The following CCDC18 variants were observed in gnomAD, a reference collection of about 807,000 sequenced individuals.
CCDC18 encodes the protein coiled-coil domain containing 18, also known as coiled-coil domain-containing protein 18.
Under a neutral mutation model 196.0 loss-of-function variants are expected in CCDC18, and 157 were observed. The ratio of observed to expected loss-of-function variants is 0.80; its 90% confidence interval spans 0.70 to 0.91. CCDC18 has a LOEUF of 0.91. Ranked by LOEUF, CCDC18 falls within the 40% of genes least tolerant of loss-of-function variation. The pLI is 0.00. For missense variants in CCDC18, 1,465 were observed against 1,611.6 expected (o/e 0.91, Z 1.56); for synonymous variants, 482 against 529.2 (o/e 0.91, Z 1.22).
intron 27 of CCDC18, among the ~76,000 whole-genome samples, chr1:93,268,594 C>CAAT (rs1664849784): frequency 3.5e-5 from 4 of 115,108 alleles, no homozygotes; most frequent in African/African-American, 1.8e-4. Context: ...AAAAAAACAA[C>CAAT]CCCATCAAAA....
At chr1:93,198,596 T>C (rs1474671123) in intron 6 of CCDC18, among the ~76,000 whole-genome samples, 1 of 152,148 alleles carries the variant, frequency 6.6e-6, no homozygotes, top group Non-Finnish European at 1.5e-5. Flanking sequence ...AATAAAAAAT[T>C]AAAATCAAAT....
At chr1:93,230,548 G>A (rs934379010) in intron 17 of CCDC18, among the ~76,000 whole-genome samples, 1 of 151,860 alleles carries the variant, frequency 6.6e-6, no homozygotes, top group African/African-American at 2.4e-5. Flanking sequence ...ACAATGAAAT[G>A]TCAGTGTAAG....
intron 28 of CCDC18, chr1:93,271,085 A>G: frequency 4.1e-6 from 4 of 983,752 alleles, no homozygotes; most frequent in Non-Finnish European, 4.8e-6. Context: ...CTTAAAAATA[A>G]AAAAATTAAA....
intron 24 of CCDC18, among the ~76,000 whole-genome samples, chr1:93,254,875 A>G (rs576645053): frequency 2.0e-5 from 3 of 150,520 alleles, no homozygotes; most frequent in Admixed American, 6.6e-5. Context: ...TAAATCTACA[A>G]TATATGCTTA....
intron 8 of CCDC18, among the ~76,000 whole-genome samples, chr1:93,206,484 A>G (rs1354954940): frequency 1.3e-5 from 2 of 152,146 alleles, no homozygotes; most frequent in Non-Finnish European, 1.5e-5. Context: ...CAAAAAAGTT[A>G]TTCTCATATT....
intron 23 of CCDC18, among the ~76,000 whole-genome samples, chr1:93,248,102 G>A (rs1056518845): frequency 1.7e-4 from 23 of 131,916 alleles, no homozygotes; most frequent in Non-Finnish European, 3.3e-4. Flanking sequence ...TGCAACCTCC[G>A]CCTCCCGGGT....
rs370792618 is a variant in CCDC18 at position 93,221,720 on chromosome 1, A to G, written c.2074A>G (p.Arg692Gly). The part of the protein sequence containing the change: ...CKQHHLESLD[R>G]LLTESKGEMK... ...ACAACATCATCTTGAATCACTAGAT[A>G]GACTCTTGACGGAAAGCAAAGGGGT... The change falls in exon 15 of 29, where the codon AGA (arginine) becomes GGA (glycine). Residue 692 changes from arginine to glycine, a missense_variant. Arg to Gly is a moderately radical substitution (Grantham distance 125). Coordinates refer to ENST00000690025, the MANE Select transcript of CCDC18 (RefSeq NM_001378204.1). 6.3e-6 allele frequency: 10 copies of G among 1,598,974 alleles called. No homozygotes were observed. In the African/African-American group the frequency reaches 9.5e-5, roughly 15 times the overall value.
intron 21 of CCDC18, among the ~76,000 whole-genome samples, chr1:93,243,404 C>G (rs189949885): frequency 1.1e-3 from 170 of 152,348 alleles, no homozygotes; most frequent in Non-Finnish European, 1.8e-3. Flanking sequence ...CTAGGCTGCA[C>G]ACAGCGTGGT....
At chr1:93,223,673 A>T (rs2102271860) in intron 16 of CCDC18, among the ~76,000 whole-genome samples, 1 of 152,318 alleles carries the variant, frequency 6.6e-6, no homozygotes, top group East Asian at 1.9e-4. Context: ...AAAGGTGCTT[A>T]TTAGACTTAC....
chr1:93,211,406 T>C (rs2101998786), intron 10 of CCDC18, among the ~76,000 whole-genome samples: 1 of 152,322 alleles, frequency 6.6e-6, no homozygotes, highest in Non-Finnish European at 1.5e-5. Flanking sequence ...TGATTCTCCT[T>C]AAAATTTGTG....
rs189276545 is a variant in CCDC18 at position 93,277,595 on chromosome 1, G to A, written c.4354-868G>A. On this transcript the variant is annotated intron_variant, in intron 28 of 28. Transcript: ENST00000690025. ...TTAACTCTGAGTTGACACAGCACACGTTTCAGAGAGCACGGGGTTGGGGGT... is the reference window on the plus strand; with the variant it reads ...TTAACTCTGAGTTGACACAGCACACATTTCAGAGAGCACGGGGTTGGGGGT... Among the ~76,000 whole-genome samples the A allele has an allele frequency of 6.0e-3, 882 of 146,668 alleles. 13 individuals are homozygous for A. The highest frequency in any genetic ancestry group is 0.013 in the African/African-American group (473 of 37,682).
At chr1:93,264,651 T>C in intron 26 of CCDC18, 50 bp from the exon 27 acceptor site, 1 of 1,127,922 alleles carries the variant, frequency 8.9e-7, no homozygotes, top group Non-Finnish European at 1.3e-6. Flanking sequence ...CGAATCCAGT[T>C]TCCTTCCATT....
intron 5 of CCDC18, among the ~76,000 whole-genome samples, chr1:93,192,780 TG>T (rs1184073965): frequency 1.3e-5 from 2 of 152,150 alleles, no homozygotes; most frequent in Non-Finnish European, 2.9e-5. Context: ...TTGAATAAAA[TG>T]GGAAATATAT....
chr1:93,264,698 T>C lies in CCDC18; in HGVS notation c.3685-3T>C, dbSNP rs535964490. 6 of 1,591,120 alleles carry C rather than the reference T, an allele frequency of 3.8e-6. No homozygotes were observed. The highest frequency in any genetic ancestry group is 4.5e-5 in the East Asian group (2 of 44,654). On this transcript the variant is annotated splice_region_variant and splice_polypyrimidine_tract_variant and intron_variant, in intron 26 of 28. Coordinates refer to ENST00000690025, the MANE Select transcript of CCDC18 (RefSeq NM_001378204.1). ...TTTCTTTTCCAATTCTGGGGCTATA[T>C]AGATGATTTCACATCAAGAGAACCA... is the stretch of plus-strand genomic sequence containing the variant.
At chr1:93,278,413 T>C (rs776470691) in intron 28 of CCDC18, 50 bp from the exon 29 acceptor site, 2 of 773,590 alleles carry the variant, frequency 2.6e-6, no homozygotes, top group Admixed American at 2.9e-5. Context: ...TAATGCTAAA[T>C]CAGTTTAGGA....
chr1:93,269,815 A>G (rs1665051398), intron 27 of CCDC18: 1 of 151,722 alleles, frequency 6.6e-6, no homozygotes, highest in South Asian at 2.1e-4. Context: ...AAAAATTGAA[A>G]TGAAAAGTTT....
chr1:93,250,683 C>T (rs1181989605), intron 23 of CCDC18, among the ~76,000 whole-genome samples: 1 of 152,160 alleles, frequency 6.6e-6, no homozygotes, highest in Non-Finnish European at 1.5e-5. Flanking sequence ...TTTATATCCT[C>T]TTGCTAGCGT....
At position 93,217,809 on chromosome 1, in the gene CCDC18, T is replaced by G. The variant is rs1284230913; in HGVS notation, c.1902T>G (p.Phe634Leu). 2 of 1,612,786 alleles carry G rather than the reference T, an allele frequency of 1.2e-6. No individual in the cohort carries two copies. The highest frequency in any genetic ancestry group is 8.5e-7 in the Non-Finnish European group (1 of 1,178,872). The change falls in exon 14 of 29, where the codon TTT becomes TTG. Residue 634 changes from phenylalanine to leucine, a missense_variant. By Grantham distance (22) the Phe-to-Leu change is conservative. Transcript: ENST00000690025. ...AGCATGAGAAAATTTGTTTAGCCTT[T>G]GAAAAAGCAAAGAAAATTCACTTGG... ...NTEHEKICLAFEKAKKIHLEQ... is the reference protein window; with the variant it reads ...NTEHEKICLALEKAKKIHLEQ...
intron 18 of CCDC18, among the ~76,000 whole-genome samples, chr1:93,234,604 T>C: frequency 6.6e-6 from 1 of 152,210 alleles, no homozygotes; most frequent in East Asian, 1.9e-4. Context: ...TGGTATTCCT[T>C]TTCTGCCTTT....
Sources: allele counts gnomAD v4.1 joint callset (sites outside exome capture counted in the v4.1 genomes callset), GRCh38; gene constraint gnomAD v4.1.1; transcripts MANE v1.5; gene names NCBI Gene and HGNC (gene_info 2026-07-23, HGNC 2026-07-21).